The following TTN variants were observed in gnomAD, a reference collection of about 807,000 sequenced individuals.
The protein encoded by TTN is titin.
A neutral mutation model predicts 3,223.0 loss-of-function variants in TTN; 1,525 were observed. The ratio of observed to expected loss-of-function variants is 0.47; its 90% CI spans 0.45 to 0.49. The LOEUF (loss-of-function observed/expected upper bound fraction) is 0.49. Among genes scored for constraint, TTN ranks in the 20% least tolerant of loss-of-function variants. The probability of loss-of-function intolerance (pLI) is 0.00; values close to 1 mark genes in which losing one functional copy is unlikely to be tolerated. For missense variants in TTN, 40,786 were observed against 43,424.0 expected, an observed-to-expected ratio of 0.94 and a Z score of 5.40; for synonymous variants, 14,094 against 15,161.0, an observed-to-expected ratio of 0.93 and a Z score of 5.17.
rs1361204758 is a variant in TTN, at chr2:178,782,421, A to G, written c.3171T>C (p.Val1057=). The G allele has an allele frequency of 6.2e-7, 1 of 1,613,980 alleles. No individual in the cohort carries two copies. The highest frequency in any genetic ancestry group is 2.2e-5 in the East Asian group (1 of 44,880). ...EKFTTEEKRF[V]ESRDVVMTDT... is the part of the protein sequence containing the mutation. Reference sequence around the variant, plus strand: ...CAGTCATAACCACATCTCTTGACTCAACAAAGCTGGAAAGAGAATTCCCCT... The same window carrying G: ...CAGTCATAACCACATCTCTTGACTCGACAAAGCTGGAAAGAGAATTCCCCT... The change falls in exon 20 of 363, where the codon GTT becomes GTC. Residue 1057 remains valine (V), a synonymous_variant. Transcript: ENST00000589042.
chr2:178,623,103 T>C (rs2058545810), intron 242 of TTN, among the ~76,000 whole-genome samples: 1 of 151,898 alleles, frequency 6.6e-6, no homozygotes, highest in South Asian at 2.1e-4. Flanking sequence ...TGAAAGATAA[T>C]GTCAAAGGAA....
Position 178,795,085 on chromosome 2 carries a change from T to C in TTN, c.1082A>G (p.Glu361Gly). ...VASSSEAEMR[E>G]TTLTTSTQIR... Reference sequence around the variant, plus strand: ...CTGAGTAGAGGTTGTCAGCGTTGTCTCTCTCATCTCAGCCTCAGATGAGGA... The same window carrying C: ...CTGAGTAGAGGTTGTCAGCGTTGTCCCTCTCATCTCAGCCTCAGATGAGGA... Residue 361 changes from glutamate (E) to glycine (G), a missense_variant, in exon 7 of 363, where the codon GAG becomes GGG. Transcript: ENST00000589042. 6.2e-7 allele frequency: 1 copy of C among 1,614,006 alleles called. No homozygotes were observed. The highest frequency in any genetic ancestry group is 8.5e-7 in the Non-Finnish European group (1 of 1,180,002).
At chr2:178,694,127 T>C in intron 117 of TTN, 119 bp from the exon 118 acceptor site, 3 of 704,282 alleles carry the variant, frequency 4.3e-6, no homozygotes, top group African/African-American at 1.8e-5. Context: ...TATGGTAGCT[T>C]GAGAACAAAT....
chr2:178,679,824 A>G, intron 140 of TTN, 70 bp downstream of exon 140: 2 of 1,587,798 alleles, frequency 1.3e-6, no homozygotes, highest in Non-Finnish European at 1.7e-6. Context: ...AACCCCCAGA[A>G]TCTGACCAAA....
In TTN at chr2:178,589,076, AACAGTAC is replaced by A; in HGVS notation, c.62642_62648del (p.Cys20881PhefsTer19). 2 of 1,609,716 alleles carry A rather than the reference AACAGTAC, an allele frequency of 1.2e-6. No homozygotes were observed. Among genetic ancestry groups the A allele is most frequent in the Non-Finnish European group, 1.7e-6 (2 of 1,179,588 alleles). The stretch of plus-strand genomic sequence containing the variant: ...CATCATCTTCTGGTGGATCCCAGCA[AACAGTAC>A]ACCTATCACTGGACACATCAACAAT... On this transcript the variant is annotated frameshift_variant, in exon 304 of 363. Transcript: ENST00000589042. LOFTEE classifies it high-confidence loss of function.
rs571815568 is a variant in TTN at position 178,732,994 on chromosome 2, G to T, written c.16182C>A (p.Gly5394=). The part of the protein sequence containing the change: ...LPMRVSWFKD[G]KEIAASDRYR... Reference sequence around the variant, plus strand: ...ATCTGTCAGAAGCAGCTATTTCTTTGCCATCCTTAAACCAGGACACCCTCA... The same window carrying T: ...ATCTGTCAGAAGCAGCTATTTCTTTTCCATCCTTAAACCAGGACACCCTCA... Residue 5394 remains glycine (G), a synonymous_variant, in exon 55 of 363, where the codon GGC becomes GGA. Transcript: ENST00000589042. The T allele has an allele frequency of 3.1e-6, 5 of 1,613,486 alleles. No individual in the cohort carries two copies. The highest frequency in any genetic ancestry group is 4.5e-5 in the East Asian group (2 of 44,742).
intron 275 of TTN, 21 bp downstream of exon 275, chr2:178,608,154 CCTT>C: frequency 3.1e-6 from 5 of 1,600,738 alleles, no homozygotes; most frequent in Non-Finnish European, 4.3e-6. Flanking sequence ...TTCTACTCCA[CCTT>C]CTTCTTAAGG....
chr2:178,544,517 TA>T lies in TTN; in HGVS notation c.95723-12del. 6.3e-7 allele frequency: 1 copy of T among 1,579,440 alleles called. No individual in the cohort carries two copies. The highest frequency in any genetic ancestry group is 8.6e-7 in the Non-Finnish European group (1 of 1,159,812). Reference sequence around the variant, plus strand: ...GTGGTCCAGGGGTATCTGTGGAATTTAAAAAGTGAGATGCAGATATTAGGCA... The same window carrying T: ...GTGGTCCAGGGGTATCTGTGGAATTTAAAAGTGAGATGCAGATATTAGGCA... On this transcript the variant is annotated splice_polypyrimidine_tract_variant and intron_variant, in intron 344 of 362. Coordinates refer to ENST00000589042, the MANE Select transcript of TTN (RefSeq NM_001267550.2).
In TTN at chr2:178,784,072, T is replaced by C; in HGVS notation, c.2773A>G (p.Lys925Glu). 6.2e-7 allele frequency: 1 copy of C among 1,612,818 alleles called. No homozygotes were observed. Among genetic ancestry groups the C allele is most frequent in the Non-Finnish European group, 8.5e-7 (1 of 1,179,918 alleles). The change falls in exon 16 of 363, where the codon AAG (lysine) becomes GAG (glutamate). Residue 925 changes from lysine (K) to glutamate (E), a missense_variant and splice_region_variant. Physicochemically the swap from Lys to Glu is moderately conservative, Grantham distance 56. Transcript: ENST00000589042. ...RFEVLHGREA[K>E]VTETARVPAP... ...ACAGCGGGTAACCAGTGACCAACCT[T>C]GGCTTCGCGTCCGTGCAGTACTTCA...
Position 178,739,806 on chromosome 2 carries a change from G to T in TTN, c.13427C>A (p.Ala4476Asp). The change falls in exon 48 of 363, where the codon GCT becomes GAT. Residue 4476 changes from alanine to aspartate, a missense_variant. Coordinates refer to ENST00000589042, the MANE Select transcript of TTN (RefSeq NM_001267550.2). ...TTCCTCATATATAATAGCACACAAA[G>T]CATCCCTAAGTTCCATTTTCAGGTT... ...MANLKMELRD[A>D]LCAIIYEEID... The T allele has an allele frequency of 6.2e-7, 1 of 1,613,832 alleles. No homozygotes were observed. The highest frequency in any genetic ancestry group is 1.3e-5 in the African/African-American group (1 of 75,032).
intron 2 of TTN, among the ~76,000 whole-genome samples, chr2:178,803,458 C>T (rs2094162711): frequency 6.6e-6 from 1 of 150,804 alleles, no homozygotes; most frequent in African/African-American, 2.4e-5. Flanking sequence ...TTCTATTGTA[C>T]ATATATAGAC....
chr2:178,786,649 T>C (rs1227720250), intron 13 of TTN, among the ~76,000 whole-genome samples: 1 of 152,170 alleles, frequency 6.6e-6, no homozygotes, highest in Non-Finnish European at 1.5e-5. Context: ...AAATCGGACA[T>C]AACATGAAAG....
chr2:178,681,160 G>C lies in TTN; in HGVS notation c.33259C>G (p.Pro11087Ala). ...KPPPPKVPEE[P>A]KKVFEEKIRI... ...ATTTTTTCCTCAAAAACTTTCTTTG[G>C]TTCTTCAGGCACTTTAAAGATATTA... Residue 11087 changes from proline (P) to alanine (A), a missense_variant, in exon 138 of 363, where the codon CCA becomes GCA. By Grantham distance (27) the Pro-to-Ala change is conservative. Transcript: ENST00000589042. 1 of 1,601,892 alleles carries C rather than the reference G, an allele frequency of 6.2e-7. No individual in the cohort carries two copies. Among genetic ancestry groups the C allele is most frequent in the Non-Finnish European group, 8.5e-7 (1 of 1,176,170 alleles).
chr2:178,615,072 T>G (rs1009274839), intron 259 of TTN, 104 bp from the exon 260 acceptor site: 2 of 1,072,430 alleles, frequency 1.9e-6, no homozygotes, highest in Non-Finnish European at 2.6e-6. Context: ...ATAATACTAG[T>G]CTTTAAATTA....
chr2:178,667,032 A>G, intron 162 of TTN, 131 bp from the exon 163 acceptor site: 2 of 944,612 alleles, frequency 2.1e-6, no homozygotes, highest in Non-Finnish European at 3.1e-6. Context: ...TTGTTCTAAT[A>G]TTTTATCTTT....
In TTN at chr2:178,631,309, A is replaced by C. The variant is rs1048557788; in HGVS notation, c.43748-9T>G. 9 of 1,598,544 alleles carry C rather than the reference A, an allele frequency of 5.6e-6. No individual in the cohort carries two copies. The African/African-American group carries it at 1.1e-4, about 19-fold the overall frequency. On this transcript the variant is annotated splice_polypyrimidine_tract_variant and intron_variant, in intron 236 of 362. Coordinates refer to ENST00000589042, the MANE Select transcript of TTN (RefSeq NM_001267550.2). The stretch of plus-strand genomic sequence containing the variant: ...AAAATATGGGTCTCCCTCTGCAAGT[A>C]AAGTATAAGTGAAAAGCTTTTATTA...
Position 178,731,116 on chromosome 2 carries a change from T to C in TTN, c.17549A>G (p.Lys5850Arg). The change falls in exon 60 of 363, where the codon AAG becomes AGG. Residue 5850 changes from lysine to arginine, a missense_variant. Transcript: ENST00000589042. ...ATLQVKFSGT[K>R]EITAKWFKDG... ...TTTAAACCATTTGGCTGTAATCTCC[T>C]TAGTCCCTGAAAATTTAACCTGCAA... 6.2e-7 allele frequency: 1 copy of C among 1,613,758 alleles called. No individual in the cohort carries two copies. The highest frequency in any genetic ancestry group is 8.5e-7 in the Non-Finnish European group (1 of 1,179,724).
At chr2:178,647,712 G>T (rs1166571054) in intron 213 of TTN, among the ~76,000 whole-genome samples, 1 of 152,012 alleles carries the variant, frequency 6.6e-6, no homozygotes, top group Non-Finnish European at 1.5e-5. Flanking sequence ...AAAAAAATTT[G>T]CTCTACATTT....
At position 178,622,757 on chromosome 2, in the gene TTN, C is replaced by T; in HGVS notation, c.44826G>A (p.Val14942=). 1 of 1,599,930 alleles carries T rather than the reference C, an allele frequency of 6.3e-7. No homozygotes were observed. The highest frequency in any genetic ancestry group is 8.5e-7 in the Non-Finnish European group (1 of 1,172,670). ...SCNLNVVPPH[V]EFLRPLTDLQ... is the part of the protein sequence containing the mutation. ...GGTCGGTGAGTGGTCTTAAGAATTC[C>T]ACATGAGGAGCTGTAAGAGAATGTC... Residue 14942 remains valine (V), a synonymous_variant, in exon 243 of 363, where the codon GTG becomes GTA. Coordinates refer to ENST00000589042, the MANE Select transcript of TTN (RefSeq NM_001267550.2).
Sources: allele counts gnomAD v4.1 joint callset (sites outside exome capture counted in the v4.1 genomes callset), GRCh38; gene constraint gnomAD v4.1.1; transcripts MANE v1.5; gene names NCBI Gene and HGNC (gene_info 2026-07-23, HGNC 2026-07-21).